The following CSGALNACT1 variants were observed in gnomAD, a reference collection of about 807,000 sequenced individuals.
The protein encoded by CSGALNACT1 is beta4GalNAcT-1.
In CSGALNACT1, 52 loss-of-function variants were observed where a neutral mutation model predicts 51.0. The observed-to-expected ratio is 1.02, with a 90% CI of 0.82 to 1.29. The LOEUF is 1.29. CSGALNACT1 is among the 50% of genes most tolerant of loss of function. The pLI is 0.00. For missense variants in CSGALNACT1, 935 were observed against 679.2 expected (o/e 1.38, Z -4.19); for synonymous variants, 341 against 254.4 (o/e 1.34, Z -3.24).
At chr8:19,609,838 T>C (rs560792231) in intron 1 of CSGALNACT1, among the ~76,000 whole-genome samples, 1 of 152,318 alleles carries the variant, frequency 6.6e-6, no homozygotes, top group African/African-American at 2.4e-5. Flanking sequence ...TGTGTATTAA[T>C]TATACCTTAA....
At chr8:19,483,862 T>C (rs1003635636) in intron 4 of CSGALNACT1, among the ~76,000 whole-genome samples, 1 of 152,212 alleles carries the variant, frequency 6.6e-6, no homozygotes, top group Non-Finnish European at 1.5e-5. Context: ...TGTCCTTTAA[T>C]AGACATATAC....
chr8:19,533,790 G>A (rs2083234937), intron 3 of CSGALNACT1, among the ~76,000 whole-genome samples: 1 of 152,140 alleles, frequency 6.6e-6, no homozygotes, highest in Admixed American at 6.5e-5. Context: ...ATATAGAAGA[G>A]CTTTTTACAG....
At chr8:19,732,450 A>G (rs2063744105) in intron 1 of CSGALNACT1, 1 of 152,192 alleles carries the variant, frequency 6.6e-6, no homozygotes, top group African/African-American at 2.4e-5. Flanking sequence ...TGAAATTCTG[A>G]CTCACCGATA....
intron 3 of CSGALNACT1, among the ~76,000 whole-genome samples, chr8:19,590,617 C>G (rs1448075964): frequency 6.9e-6 from 1 of 145,026 alleles, no homozygotes. Flanking sequence ...GACATAAATA[C>G]TCATAGCTGG....
chr8:19,408,690 A>T (rs772067978), exon 9 of CSGALNACT1: 1 of 1,613,626 alleles, frequency 6.2e-7, no homozygotes, highest in South Asian at 1.1e-5. Flanking sequence ...TTCCTTCTTT[A>T]TGACCTGCAA....
intron 4 of CSGALNACT1, among the ~76,000 whole-genome samples, chr8:19,466,911 A>C (rs565935220): frequency 6.6e-6 from 1 of 152,316 alleles, no homozygotes; most frequent in African/African-American, 2.4e-5. Context: ...CCTGATAAGA[A>C]ATAGTTGCAG....
At chr8:19,622,165 T>G (rs1589093601) in intron 1 of CSGALNACT1, among the ~76,000 whole-genome samples, 2 of 152,252 alleles carry the variant, frequency 1.3e-5, no homozygotes, top group South Asian at 4.1e-4. Flanking sequence ...TGTTTCACAT[T>G]TACAAAACTT....
intron 4 of CSGALNACT1, among the ~76,000 whole-genome samples, chr8:19,490,555 C>G (rs2074144564): frequency 6.6e-6 from 1 of 152,210 alleles, no homozygotes; most frequent in African/African-American, 2.4e-5. Flanking sequence ...TGCTTAGAGG[C>G]CAGGAGCATG....
intron 1 of CSGALNACT1, among the ~76,000 whole-genome samples, chr8:19,626,259 T>C (rs1388820651): frequency 2.0e-5 from 3 of 152,018 alleles, no homozygotes; most frequent in Admixed American, 6.6e-5. Flanking sequence ...AACCCAGAAA[T>C]AGCTTTACGT....
intron 5 of CSGALNACT1, among the ~76,000 whole-genome samples, chr8:19,448,360 A>G (rs1390224765): frequency 6.6e-6 from 1 of 152,194 alleles, no homozygotes; most frequent in South Asian, 2.1e-4. Flanking sequence ...TAGTAGAACC[A>G]ATCAACCAGG....
At chr8:19,488,962 A>G (rs1001373360) in intron 4 of CSGALNACT1, among the ~76,000 whole-genome samples, 1 of 152,182 alleles carries the variant, frequency 6.6e-6, no homozygotes, top group African/African-American at 2.4e-5. Flanking sequence ...TTGAAAATGA[A>G]TAATATGCAG....
intron 1 of CSGALNACT1, among the ~76,000 whole-genome samples, chr8:19,627,060 C>G (rs1004602414): frequency 2.0e-5 from 3 of 152,154 alleles, no homozygotes; most frequent in African/African-American, 7.2e-5. Flanking sequence ...GGGTATTTAT[C>G]CTCAAGAAAT....
At chr8:19,487,712 G>A (rs138028824) in intron 4 of CSGALNACT1, among the ~76,000 whole-genome samples, 2 of 151,808 alleles carry the variant, frequency 1.3e-5, no homozygotes, top group African/African-American at 4.9e-5. Context: ...CCACAAAAAA[G>A]GGTGTTTCCA....
chr8:19,599,025 G>C (rs75855293), intron 2 of CSGALNACT1, among the ~76,000 whole-genome samples: 1 of 152,256 alleles, frequency 6.6e-6, no homozygotes, highest in South Asian at 2.1e-4. Context: ...GCTAGGTAGA[G>C]AGAGTGTGGA....
intron 1 of CSGALNACT1, among the ~76,000 whole-genome samples, chr8:19,695,837 A>C (rs373030882): frequency 5.7e-4 from 87 of 152,294 alleles, no homozygotes; most frequent in African/African-American, 2.1e-3. Context: ...AATATTTCTA[A>C]ATGATCCAGC....
chr8:19,620,406 G>A (rs1323664643), intron 1 of CSGALNACT1, among the ~76,000 whole-genome samples: 2 of 150,110 alleles, frequency 1.3e-5, no homozygotes, highest in African/African-American at 2.5e-5. Flanking sequence ...CAGTACAGAG[G>A]ATTTCCAAGG....
At chr8:19,513,436 C>CTTTATATATATATATATATA in intron 3 of CSGALNACT1, among the ~76,000 whole-genome samples, 1 of 81,974 alleles carries the variant, frequency 1.2e-5, no homozygotes, top group Non-Finnish European at 2.6e-5. Context: ...CTCTCTCTCT[C>CTTTATATATATATATATATA]TATATATATA....
chr8:19,466,340 G>A (rs1391971483), intron 4 of CSGALNACT1, among the ~76,000 whole-genome samples: 1 of 152,070 alleles, frequency 6.6e-6, no homozygotes, highest in Non-Finnish European at 1.5e-5. Context: ...GCTGAGAAGC[G>A]ATGATCATTT....
upstream of CSGALNACT1, among the ~76,000 whole-genome samples, chr8:19,685,012 G>C (rs1433632429): frequency 6.6e-6 from 1 of 152,218 alleles, no homozygotes; most frequent in East Asian, 1.9e-4. Flanking sequence ...ATCTTATTAA[G>C]TTCACATTAA....
Sources: allele counts gnomAD v4.1 joint callset (sites outside exome capture counted in the v4.1 genomes callset), GRCh38; gene constraint gnomAD v4.1.1; transcripts MANE v1.5; gene names NCBI Gene and HGNC (gene_info 2026-07-23, HGNC 2026-07-21).